Variants in ZNF500 observed in about 807,000 individuals in gnomAD.
ZNF500 encodes zinc finger protein 500, also known as zinc finger protein with KRAB and SCAN domains 18.
In ZNF500, 31 loss-of-function variants were observed where a neutral mutation model predicts 30.1. That is an observed-to-expected ratio of 1.03 (90% CI 0.77 to 1.39). ZNF500 has a LOEUF of 1.39. Ranked by LOEUF, ZNF500 falls within the 40% of genes most tolerant of loss-of-function variation. The probability of loss-of-function intolerance (pLI) is 0.00; values close to 1 mark genes in which losing one functional copy is unlikely to be tolerated. For synonymous variants in ZNF500, 392 were observed against 282.0 expected (o/e 1.39, Z -3.91); for missense variants, 817 against 657.8 (o/e 1.24, Z -2.65).
intron 5 of ZNF500, among the ~76,000 whole-genome samples, chr16:4,755,781 A>G (rs372956730): frequency 1.3e-5 from 2 of 152,242 alleles, no homozygotes; most frequent in African/African-American, 4.8e-5. Context: ...CACTCTTCAC[A>G]GTAGCCAAAA....
Position 4,760,412 on chromosome 16 carries a change from A to G in ZNF500, c.760+80T>C, listed in dbSNP as rs2082184736. 4 of 1,396,478 alleles carry G rather than the reference A, an allele frequency of 2.9e-6. No homozygotes were observed. The South Asian group carries it at 3.9e-5, about 14-fold the overall frequency. The allele number at this position is 1,396,478 out of a possible 1,614,324, so 86.5% of individuals were successfully genotyped here. A position where few individuals can be genotyped will look rare whatever the true frequency, so the allele number is the denominator to read the frequency against. On this transcript the variant is annotated intron_variant, in intron 5 of 5. Coordinates refer to ENST00000219478, the MANE Select transcript of ZNF500 (RefSeq NM_021646.4). ...ATCGCCCCAGGCCAACTGGACCAAC[A>G]GAACCAAGCCCCGGAGCTGGTGCCT...
chr16:4,744,979 C>A (rs1343199471), downstream of ZNF500: 7 of 1,613,794 alleles, frequency 4.3e-6, no homozygotes, highest in Non-Finnish European at 5.9e-6. Context: ...CCGACACTCC[C>A]CAGGACACCA....
chr16:4,749,078 C>T lies in ZNF500; in HGVS notation c.*3298G>A, dbSNP rs1036459336. 1 of 152,502 alleles carries T rather than the reference C, an allele frequency of 6.6e-6. No homozygotes were observed. Among genetic ancestry groups the T allele is most frequent in the Non-Finnish European group, 1.5e-5 (1 of 68,230 alleles). The allele number at this position is 152,502 out of a possible 1,614,324, so 9.4% of individuals were successfully genotyped here. On this transcript the variant is annotated 3_prime_UTR_variant, in exon 6 of 6. Transcript: ENST00000219478. ...TTTTCATTGCAAGTCAAAGGCAAGACAGGCTTCCATAAAGTCCCAGGAGGT... is the reference window on the plus strand; with the variant it reads ...TTTTCATTGCAAGTCAAAGGCAAGATAGGCTTCCATAAAGTCCCAGGAGGT...
chr16:4,751,891 C>G lies in ZNF500; in HGVS notation c.*485G>C, dbSNP rs574185574. 258 of 338,470 alleles carry G rather than the reference C, an allele frequency of 7.6e-4. 3 individuals are homozygous for G. The highest frequency in any genetic ancestry group is 5.5e-3 in the African/African-American group (236 of 42,602). 21.0% of individuals were successfully genotyped at this position (338,470 alleles called of 1,614,324 possible). The stretch of plus-strand genomic sequence containing the variant: ...GCACTGTATTCCCGCCTGGGGGACA[C>G]AGCAAGGCCCCGTCTCAAAAAAAAA... On this transcript the variant is annotated 3_prime_UTR_variant, in exon 6 of 6. Coordinates refer to ENST00000219478, the MANE Select transcript of ZNF500 (RefSeq NM_021646.4).
At chr16:4,753,255 G>A in intron 5 of ZNF500, 197 bp from the exon 6 acceptor site, 1 of 1,103,560 alleles carries the variant, frequency 9.1e-7, no homozygotes, top group African/African-American at 1.6e-5. Flanking sequence ...GAGCCCAGGA[G>A]TTCAAGACCA....
At chr16:4,761,806 G>T (rs1057319793) in intron 4 of ZNF500, among the ~76,000 whole-genome samples, 2 of 151,982 alleles carry the variant, frequency 1.3e-5, no homozygotes, top group Non-Finnish European at 2.9e-5. Context: ...GCAGTGAGCT[G>T]TAATCACACT....
intron 1 of ZNF500, among the ~76,000 whole-genome samples, chr16:4,766,492 A>T (rs1400025829): frequency 6.6e-6 from 1 of 152,134 alleles, no homozygotes; most frequent in Non-Finnish European, 1.5e-5. Flanking sequence ...TGGTGGTAGC[A>T]CATCTGTAAT....
In ZNF500 at chr16:4,752,462, G is replaced by A; in HGVS notation, c.1357C>T (p.His453Tyr). The A allele has an allele frequency of 6.5e-7, 1 of 1,543,338 alleles. No homozygotes were observed. Among genetic ancestry groups the A allele is most frequent in the Non-Finnish European group, 8.7e-7 (1 of 1,149,206 alleles). The change falls in exon 6 of 6, where the codon CAC becomes TAC. Residue 453 changes from histidine (H) to tyrosine (Y), a missense_variant. Transcript: ENST00000219478. ...CCCATGTGGGTCCGCTGGTGCTTGT[G>A]CAGGTCGGTGCCCCGGCGGAAGCCC... The part of the protein sequence containing the change: ...GRGFRRGTDL[H>Y]KHQRTHMGAG...
intron 2 of ZNF500, chr16:4,763,701 G>C (rs1395626295): frequency 2.0e-6 from 2 of 983,786 alleles, no homozygotes; most frequent in Non-Finnish European, 2.4e-6. Flanking sequence ...TGTCGGTGCA[G>C]TGACAGAAGG....
intron 1 of ZNF500, 39 bp downstream of exon 1, chr16:4,766,978 T>C (rs936376959): frequency 3.9e-5 from 6 of 152,264 alleles, no homozygotes; most frequent in African/African-American, 1.4e-4. Context: ...AAATCGAAGC[T>C]TCGGCCGGGA....
At chr16:4,746,498 C>T (rs199639229), downstream of ZNF500, 50 of 1,613,532 alleles carry the variant, frequency 3.1e-5, no homozygotes, top group Admixed American at 6.7e-5. Context: ...TACCAGACCA[C>T]CTGTCCCCAG....
chr16:4,766,465 C>G (rs1001972360), intron 1 of ZNF500, among the ~76,000 whole-genome samples: 1 of 152,060 alleles, frequency 6.6e-6, no homozygotes, highest in East Asian at 1.9e-4. Context: ...ACAAAAAATA[C>G]AAAAATTAGC....
chr16:4,752,775 C>T lies in ZNF500; in HGVS notation c.1044G>A (p.Thr348=), dbSNP rs748657340. The T allele has an allele frequency of 8.7e-6, 14 of 1,614,098 alleles. No homozygotes were observed. Among genetic ancestry groups the T allele is most frequent in the Middle Eastern group, 1.6e-4 (1 of 6,084 alleles). Residue 348 remains threonine, a synonymous_variant, in exon 6 of 6, where the codon ACG becomes ACA. Transcript: ENST00000219478. ...SHLTKHQRTH[T]GERPYKCLVC... ...CTAGGCACTTGTAAGGCCGCTCGCC[C>T]GTGTGTGTGCGCTGGTGCTTGGTCA...
rs2082081732 is a variant in ZNF500, at chr16:4,751,909, A to G, written c.*467T>C. ...GGGGACACAGCAAGGCCCCGTCTCA[A>G]AAAAAAAAGGGGGGGGGAGCAGGTG... On this transcript the variant is annotated 3_prime_UTR_variant, in exon 6 of 6. Coordinates refer to ENST00000219478, the MANE Select transcript of ZNF500 (RefSeq NM_021646.4). 1.4e-5 allele frequency: 4 copies of G among 278,204 alleles called. No individual in the cohort carries two copies. In the South Asian group the frequency reaches 2.1e-4, roughly 14 times the overall value. The allele number at this position is 278,204 out of a possible 1,614,324, so 17.2% of individuals were successfully genotyped here. A position where few individuals can be genotyped will look rare whatever the true frequency, so the allele number is the denominator to read the frequency against.
intron 2 of ZNF500, chr16:4,763,007 C>T: frequency 3.0e-6 from 3 of 985,422 alleles, no homozygotes; most frequent in Non-Finnish European, 2.4e-6. Flanking sequence ...TTCCTTGGTC[C>T]TCCTGATAGA....
chr16:4,758,696 C>T (rs2082164625), intron 5 of ZNF500: 1 of 152,168 alleles, frequency 6.6e-6, no homozygotes, highest in Non-Finnish European at 1.5e-5. Flanking sequence ...GGACAGATGT[C>T]CTCTGGGGGA....
Position 4,751,655 on chromosome 16 carries a change from T to A in ZNF500, c.*721A>T. The stretch of plus-strand genomic sequence containing the variant: ...TCATGTGCACCCAGACCTCAGAATG[T>A]GACCTTATTTGGAAACACGGGTTTT... On this transcript the variant is annotated 3_prime_UTR_variant, in exon 6 of 6. Coordinates refer to ENST00000219478, the MANE Select transcript of ZNF500 (RefSeq NM_021646.4). 6.5e-7 allele frequency: 1 copy of A among 1,534,306 alleles called. No homozygotes were observed.
Position 4,766,338 on chromosome 16 carries a change from G to A in ZNF500, c.-98-262C>T, listed in dbSNP as rs1021263529. On this transcript the variant is annotated intron_variant, in intron 1 of 5. Coordinates refer to ENST00000219478, the MANE Select transcript of ZNF500 (RefSeq NM_021646.4). Reference sequence around the variant, plus strand: ...CACAGGTTGCTGACAGAACTAAAAGGGATGGCTGGGGGCAGTAGCTGACGC... The same window carrying A: ...CACAGGTTGCTGACAGAACTAAAAGAGATGGCTGGGGGCAGTAGCTGACGC... Among the ~76,000 whole-genome samples, 4 of 152,296 alleles carry A rather than the reference G, an allele frequency of 2.6e-5. No homozygotes were observed. The East Asian group carries it at 5.8e-4, about 22-fold the overall frequency.
downstream of ZNF500, chr16:4,746,716 T>G (rs2082021884): frequency 1.4e-5 from 11 of 808,688 alleles, no homozygotes; most frequent in South Asian, 2.0e-4. Context: ...CTCCTCGGGC[T>G]GGGCTCTATG....
Sources: gnomAD v4.1 joint callset for allele counts (sites outside exome capture counted in the v4.1 genomes callset) on GRCh38, gnomAD v4.1.1 for gene constraint, MANE v1.5 for transcripts, NCBI Gene and HGNC (gene_info 2026-07-23, HGNC 2026-07-21) for gene names.